FRMD3: variants seen among roughly 807,000 people sequenced by gnomAD.
The protein encoded by FRMD3 is FERM domain containing 3.
FRMD3 carries 33 observed loss-of-function variants against 70.2 expected under a neutral mutation model. The observed-to-expected ratio is 0.47, with a 90% CI of 0.36 to 0.63. FRMD3 has a LOEUF of 0.63. FRMD3 is among the 20% of genes least tolerant of loss of function. The pLI is 0.00. For missense variants in FRMD3, 632 were observed against 711.4 expected (o/e 0.89, Z 1.27); for synonymous variants, 279 against 255.9 (o/e 1.09, Z -0.86).
At chr9:83,312,381 C>T (rs1379111753) in intron 7 of FRMD3, among the ~76,000 whole-genome samples, 1 of 152,190 alleles carries the variant, frequency 6.6e-6, no homozygotes, top group Non-Finnish European at 1.5e-5. Flanking sequence ...AATTTTGATT[C>T]AATCTCTCAC....
intron 13 of FRMD3, among the ~76,000 whole-genome samples, chr9:83,261,140 C>CACACACAG (rs757325628): frequency 2.7e-5 from 4 of 149,920 alleles, no homozygotes; most frequent in African/African-American, 9.8e-5. Flanking sequence ...CACACACACA[C>CACACACAG]AGCAGATCCT....
chr9:83,359,468 C>T (rs73463659), intron 3 of FRMD3, among the ~76,000 whole-genome samples: 1 of 151,998 alleles, frequency 6.6e-6, no homozygotes, highest in African/African-American at 2.4e-5. Flanking sequence ...ATAATGGAAC[C>T]AACCACAGAG....
At chr9:83,288,195 A>T (rs1834290487) in intron 13 of FRMD3, among the ~76,000 whole-genome samples, 1 of 152,190 alleles carries the variant, frequency 6.6e-6, no homozygotes, top group Non-Finnish European at 1.5e-5. Flanking sequence ...CTCTTTATAA[A>T]TCTGAGAAGT....
chr9:83,495,072 G>A (rs1447489638), intron 1 of FRMD3, among the ~76,000 whole-genome samples: 2 of 151,880 alleles, frequency 1.3e-5, no homozygotes, highest in Admixed American at 1.3e-4. Context: ...GTTTCCAATT[G>A]TTTAGTTATA....
the FRMD3 span, among the ~76,000 whole-genome samples, chr9:83,568,955 G>GATAGATAGATAC: frequency 1.2e-4 from 16 of 130,838 alleles, no homozygotes; most frequent in East Asian, 4.7e-4. Context: ...TAGATAGATA[G>GATAGATAGATAC]ATACATACAT....
At chr9:83,442,006 A>G (rs1267149216) in intron 1 of FRMD3, among the ~76,000 whole-genome samples, 1 of 152,228 alleles carries the variant, frequency 6.6e-6, no homozygotes, top group East Asian at 1.9e-4. Context: ...TACAGCATAA[A>G]GAACGTGCGC....
rs1564032703 is a variant in FRMD3 at position 83,357,257 on chromosome 9, ATATAT to A, written c.296-7505_296-7501del. Among the ~76,000 whole-genome samples the A allele has an allele frequency of 5.6e-4, 23 of 40,984 alleles. 4 individuals are homozygous for A. The highest frequency in any genetic ancestry group is 4.2e-3 in the African/African-American group (23 of 5,428). The allele number at this position is 40,984 out of a possible 152,430, so 26.9% of individuals were successfully genotyped here. Reference sequence around the variant, plus strand: ...ATATATAATACATACATATATATATATATATATATATATATATATATATATATATA... The same window carrying A: ...ATATATAATACATACATATATATATAATATATATATATATATATATATATA... On this transcript the variant is annotated intron_variant, in intron 3 of 13. Transcript: ENST00000304195.
chr9:83,531,436 C>A lies in FRMD3; in HGVS notation c.147+6649G>T, dbSNP rs551995551. ...TTAGCAGACCATTGGAATAACATTA[C>A]ATTTTTTTAGGATATACTTAATATA... is the stretch of plus-strand genomic sequence containing the variant. On this transcript the variant is annotated intron_variant, in intron 1 of 13. Coordinates refer to ENST00000304195, the MANE Select transcript of FRMD3 (RefSeq NM_174938.6). Among the ~76,000 whole-genome samples the A allele has an allele frequency of 1.1e-3, 164 of 152,296 alleles. 2 individuals carry two copies. The South Asian group carries it at 0.012, about 11-fold the overall frequency.
At chr9:83,547,257 T>C in the FRMD3 span, among the ~76,000 whole-genome samples, 7 of 148,706 alleles carry the variant, frequency 4.7e-5, no homozygotes, top group Non-Finnish European at 8.9e-5. Flanking sequence ...ATAATTATTA[T>C]TATATAATGA....
intron 1 of FRMD3, among the ~76,000 whole-genome samples, chr9:83,490,178 A>G (rs1828784586): frequency 6.6e-6 from 1 of 152,168 alleles, no homozygotes. Context: ...AAAGCCCTAG[A>G]CCATTAGCAA....
At chr9:83,243,597 G>A (rs1407670230), downstream of FRMD3, among the ~76,000 whole-genome samples, 1 of 152,162 alleles carries the variant, frequency 6.6e-6, no homozygotes, top group East Asian at 1.9e-4. Flanking sequence ...CAAAGGCACT[G>A]GCTTGAGATG....
intron 1 of FRMD3, among the ~76,000 whole-genome samples, chr9:83,494,884 TATATG>T (rs1828907846): frequency 6.6e-6 from 1 of 152,010 alleles, no homozygotes; most frequent in Admixed American, 6.5e-5. Context: ...CGTGTGTATA[TATATG>T]ATATTTTACA....
chr9:83,337,459 C>G (rs1823618440), intron 5 of FRMD3, among the ~76,000 whole-genome samples: 1 of 152,134 alleles, frequency 6.6e-6, no homozygotes, highest in Non-Finnish European at 1.5e-5. Context: ...GTGTGAACCA[C>G]AGCATGGAGG....
At chr9:83,464,626 C>A (rs35161622) in intron 1 of FRMD3, among the ~76,000 whole-genome samples, 48,358 of 152,052 alleles carry the variant, frequency 0.32, 8,235 homozygotes, top group Middle Eastern at 0.4. Flanking sequence ...ATTTAATGAC[C>A]TACAACTCTT....
chr9:83,453,489 A>G (rs1827726656), intron 1 of FRMD3, among the ~76,000 whole-genome samples: 1 of 152,290 alleles, frequency 6.6e-6, no homozygotes, highest in South Asian at 2.1e-4. Context: ...TACTTTTTCA[A>G]CTGTAAATTT....
chr9:83,269,691 A>G (rs1833460343), intron 13 of FRMD3, among the ~76,000 whole-genome samples: 1 of 152,188 alleles, frequency 6.6e-6, no homozygotes, highest in Admixed American at 6.5e-5. Flanking sequence ...CCTGGGAGAC[A>G]GAGTGAGACT....
chr9:83,403,820 G>GT (rs1177298490), intron 1 of FRMD3, among the ~76,000 whole-genome samples: 2 of 152,142 alleles, frequency 1.3e-5, no homozygotes, highest in Admixed American at 1.3e-4. Context: ...TTCTAGAAAT[G>GT]TAAGACTTCC....
chr9:83,568,979 C>G, the FRMD3 span, among the ~76,000 whole-genome samples: 1 of 150,962 alleles, frequency 6.6e-6, no homozygotes, highest in Non-Finnish European at 1.5e-5. Flanking sequence ...TACATACATA[C>G]ATACATACAT....
At chr9:83,279,905 A>G (rs1833917174) in intron 13 of FRMD3, among the ~76,000 whole-genome samples, 1 of 152,212 alleles carries the variant, frequency 6.6e-6, no homozygotes, top group Non-Finnish European at 1.5e-5. Flanking sequence ...ACCATGGCAC[A>G]CGTCTACCTA....
Sources: allele counts gnomAD v4.1 joint callset (sites outside exome capture counted in the v4.1 genomes callset), GRCh38; gene constraint gnomAD v4.1.1; transcripts MANE v1.5; gene names NCBI Gene and HGNC (gene_info 2026-07-23, HGNC 2026-07-21).